PDE4D: variants seen among roughly 807,000 people sequenced by gnomAD.
PDE4D encodes phosphodiesterase 4D.
A neutral mutation model predicts 87.4 loss-of-function variants in PDE4D; 24 were observed. The ratio of observed to expected loss-of-function variants is 0.27; its 90% CI spans 0.20 to 0.39. The LOEUF (loss-of-function observed/expected upper bound fraction) is 0.39, where lower values mean the gene tolerates loss of function less well. Among genes scored for constraint, PDE4D ranks in the 10% least tolerant of loss-of-function variants. The pLI, the probability that PDE4D is intolerant of heterozygous loss-of-function variation, is 1.00. For missense variants in PDE4D, 714 were observed against 1,041.0 expected, an observed-to-expected ratio of 0.69 and a Z score of 4.32; for synonymous variants, 384 against 383.2, an observed-to-expected ratio of 1.00 and a Z score of -0.02.
At chr5:59,736,794 A>C (rs1480239345) in intron 1 of PDE4D, among the ~76,000 whole-genome samples, 1 of 152,220 alleles carries the variant, frequency 6.6e-6, no homozygotes, top group Non-Finnish European at 1.5e-5. Flanking sequence ...TGTTCACAGC[A>C]GCATTAACTA....
At chr5:60,389,322 A>G (rs1002987394) in intron 1 of PDE4D, among the ~76,000 whole-genome samples, 1 of 152,196 alleles carries the variant, frequency 6.6e-6, no homozygotes, top group Non-Finnish European at 1.5e-5. Flanking sequence ...ACTGTATTCA[A>G]AAGGTTGGCA....
intron 1 of PDE4D, among the ~76,000 whole-genome samples, chr5:60,230,448 C>T (rs182883256): frequency 6.8e-4 from 103 of 152,178 alleles, no homozygotes; most frequent in Non-Finnish European, 4.4e-4. Flanking sequence ...ATTTTTCATT[C>T]CTTGCAAACC....
intron 5 of PDE4D, among the ~76,000 whole-genome samples, chr5:59,087,308 G>C (rs977693446): frequency 6.6e-6 from 1 of 151,970 alleles, no homozygotes; most frequent in Non-Finnish European, 1.5e-5. Context: ...AACATAGGGA[G>C]ACCTTGTCTC....
chr5:59,863,635 C>T (rs1746600725), intron 1 of PDE4D, among the ~76,000 whole-genome samples: 1 of 152,138 alleles, frequency 6.6e-6, no homozygotes, highest in Non-Finnish European at 1.5e-5. Context: ...AATTCTCCAG[C>T]ATTTATCTGA....
At chr5:59,481,852 G>C (rs944930142) in intron 1 of PDE4D, among the ~76,000 whole-genome samples, 2 of 151,736 alleles carry the variant, frequency 1.3e-5, no homozygotes, top group African/African-American at 4.8e-5. Flanking sequence ...AATGTCTCCT[G>C]CAAGTTGGGA....
At chr5:60,081,543 C>T (rs1298232723) in intron 2 of PDE4D, among the ~76,000 whole-genome samples, 2 of 152,126 alleles carry the variant, frequency 1.3e-5, no homozygotes, top group Non-Finnish European at 2.9e-5. Flanking sequence ...TATAAATTTC[C>T]CTCTTAATAC....
At chr5:60,385,162 T>C (rs925639638) in intron 1 of PDE4D, among the ~76,000 whole-genome samples, 2 of 152,178 alleles carry the variant, frequency 1.3e-5, no homozygotes, top group Non-Finnish European at 2.9e-5. Flanking sequence ...AAGTAGAGCC[T>C]GAGCTAAGAA....
intron 1 of PDE4D, among the ~76,000 whole-genome samples, chr5:60,197,476 G>C (rs1207089761): frequency 6.6e-6 from 1 of 151,230 alleles, no homozygotes; most frequent in Non-Finnish European, 1.5e-5. Flanking sequence ...AGATTATTTG[G>C]GACACAATGA....
chr5:60,481,106 C>A (rs1748696191), intron 1 of PDE4D, among the ~76,000 whole-genome samples: 2 of 151,986 alleles, frequency 1.3e-5, no homozygotes, highest in South Asian at 4.2e-4. Context: ...GTCTTTATTT[C>A]TTAAGTAGCT....
chr5:60,444,220 T>C (rs1745463612), intron 1 of PDE4D, among the ~76,000 whole-genome samples: 3 of 152,184 alleles, frequency 2.0e-5, no homozygotes. Flanking sequence ...CTTACTTCTG[T>C]TAAACTCAAA....
chr5:60,041,229 C>T (rs1218108744), intron 2 of PDE4D, among the ~76,000 whole-genome samples: 1 of 152,106 alleles, frequency 6.6e-6, no homozygotes, highest in African/African-American at 2.4e-5. Flanking sequence ...ATAGTCACGG[C>T]TTGGCTGATT....
chr5:59,137,619 C>T (rs915296565), intron 5 of PDE4D, among the ~76,000 whole-genome samples: 3 of 151,852 alleles, frequency 2.0e-5, no homozygotes, highest in Non-Finnish European at 4.4e-5. Context: ...CTCCGCCTCC[C>T]GGGTTCACGC....
At chr5:59,945,450 G>A (rs778765624) in intron 3 of PDE4D, among the ~76,000 whole-genome samples, 36 of 152,198 alleles carry the variant, frequency 2.4e-4, no homozygotes, top group Non-Finnish European at 3.8e-4. Context: ...TTTTCCAAAA[G>A]GGCTGAGGTT....
rs879384544 is a variant in PDE4D at position 59,542,076 on chromosome 5, T to TA, written c.456-326109dup. On this transcript the variant is annotated intron_variant, in intron 1 of 14. Coordinates refer to ENST00000340635, the MANE Select transcript of PDE4D (RefSeq NM_001104631.2). ...TAGCCTAATCTATGCCGGGCCCTCT[T>TA]ATGCCCTTTTGATACTATTTCTCAA... 1.4e-4 allele frequency among the ~76,000 whole-genome samples: 22 copies of TA among 152,146 alleles called. 1 individual carries two copies. Among genetic ancestry groups the TA allele is most frequent in the Admixed American group, 7.9e-4 (12 of 15,262 alleles).
chr5:59,275,253 G>GA, intron 1 of PDE4D: 1 of 1,064,796 alleles, frequency 9.4e-7, no homozygotes, highest in East Asian at 2.4e-5. Context: ...ACAAAGCCTC[G>GA]ACATCACACA....
At chr5:59,196,328 G>T (rs904156234) in intron 2 of PDE4D, among the ~76,000 whole-genome samples, 1 of 152,164 alleles carries the variant, frequency 6.6e-6, no homozygotes, top group Non-Finnish European at 1.5e-5. Flanking sequence ...TTTGTGATAT[G>T]CATTGGCTGA....
intron 1 of PDE4D, among the ~76,000 whole-genome samples, chr5:59,359,105 T>A (rs186848806): frequency 3.3e-5 from 5 of 152,310 alleles, no homozygotes; most frequent in African/African-American, 1.2e-4. Context: ...TACAAGGACA[T>A]ACGAATAATC....
intron 1 of PDE4D, among the ~76,000 whole-genome samples, chr5:59,498,248 G>T (rs761427109): frequency 1.7e-4 from 25 of 151,310 alleles, no homozygotes; most frequent in Non-Finnish European, 3.1e-4. Flanking sequence ...TAGCCCACAG[G>T]CCCTAAGCAG....
chr5:60,494,231 G>T (rs1239441502), intron 1 of PDE4D, among the ~76,000 whole-genome samples: 1 of 152,166 alleles, frequency 6.6e-6, no homozygotes, highest in African/African-American at 2.4e-5. Context: ...TTATTCTAAT[G>T]ATCCTGCTCC....
Sources: gnomAD v4.1 joint callset for allele counts (sites outside exome capture counted in the v4.1 genomes callset) on GRCh38, gnomAD v4.1.1 for gene constraint, MANE v1.5 for transcripts, NCBI Gene and HGNC (gene_info 2026-07-23, HGNC 2026-07-21) for gene names.